The following PTPRN2 variants were observed in gnomAD, a reference collection of about 807,000 sequenced individuals.
The protein encoded by PTPRN2 is protein tyrosine phosphatase receptor type N2.
PTPRN2 carries 74 observed loss-of-function variants against 118.8 expected under a neutral mutation model. That is an observed-to-expected ratio of 0.62 (90% confidence interval 0.52 to 0.76). The LOEUF is 0.76. Ranked by LOEUF, PTPRN2 falls within the 30% of genes least tolerant of loss-of-function variation. The pLI, the probability that PTPRN2 is intolerant of heterozygous loss-of-function variation, is 0.00. For synonymous variants in PTPRN2, 641 were observed against 608.0 expected (o/e 1.05, Z -0.80); for missense variants, 1,481 against 1,394.4 (o/e 1.06, Z -0.99).
intron 3 of PTPRN2, among the ~76,000 whole-genome samples, chr7:158,220,358 T>C (rs1220175748): frequency 6.6e-6 from 1 of 151,944 alleles, no homozygotes; most frequent in African/African-American, 2.4e-5. Flanking sequence ...GGTATCCAAA[T>C]AGGAAAAGAG....
At chr7:157,914,534 T>C (rs953309611) in intron 11 of PTPRN2, among the ~76,000 whole-genome samples, 1 of 152,148 alleles carries the variant, frequency 6.6e-6, no homozygotes, top group Admixed American at 6.5e-5. Flanking sequence ...TGATCCTCGA[T>C]GGTGATAGAG....
At chr7:158,407,135 T>TGGGTCCC (rs1813524952) in intron 2 of PTPRN2, among the ~76,000 whole-genome samples, 1 of 129,224 alleles carries the variant, frequency 7.7e-6, no homozygotes, top group South Asian at 2.6e-4. Context: ...TCCTGGGTCC[T>TGGGTCCC]GCGTCCTGCG....
At chr7:158,447,281 A>G (rs1194072154) in intron 2 of PTPRN2, among the ~76,000 whole-genome samples, 1 of 152,174 alleles carries the variant, frequency 6.6e-6, no homozygotes. Context: ...ATGAATTCCA[A>G]TTTAGGTTTT....
At chr7:158,461,368 C>T (rs1193285251) in intron 2 of PTPRN2, among the ~76,000 whole-genome samples, 4 of 152,060 alleles carry the variant, frequency 2.6e-5, no homozygotes, top group Non-Finnish European at 5.9e-5. Flanking sequence ...TGGTGGCAGG[C>T]GCCTGTAGTC....
chr7:157,779,879 C>A lies in PTPRN2; in HGVS notation c.1789-96942G>T, dbSNP rs753755954. On this transcript the variant is annotated intron_variant, in intron 12 of 22. Transcript: ENST00000389418. The surrounding 1 kb of genome is among the most constrained non-coding windows in gnomAD (Gnocchi z 4.7). ...TGTCCTCCCAAGCAGGGCTGGGACGCCACTGATACCATCGACGTACAACAC... is the reference window on the plus strand; with the variant it reads ...TGTCCTCCCAAGCAGGGCTGGGACGACACTGATACCATCGACGTACAACAC... Among the ~76,000 whole-genome samples the A allele has an allele frequency of 6.6e-5, 10 of 152,064 alleles. No individual in the cohort carries two copies. The highest frequency in any genetic ancestry group is 1.5e-4 in the Non-Finnish European group (10 of 68,018).
chr7:158,097,936 C>T (rs1814775414), intron 10 of PTPRN2, among the ~76,000 whole-genome samples: 1 of 152,218 alleles, frequency 6.6e-6, no homozygotes, highest in East Asian at 1.9e-4. Flanking sequence ...CAATGAGCAG[C>T]TCCCAGAACA....
chr7:157,673,840 G>A (rs934701459), intron 13 of PTPRN2, among the ~76,000 whole-genome samples: 3 of 152,126 alleles, frequency 2.0e-5, no homozygotes, highest in Non-Finnish European at 4.4e-5. Flanking sequence ...GGCACCCAGG[G>A]CTCCCCTAGG....
rs1172047621 is a variant in PTPRN2, at chr7:157,903,902, G to A, written c.1724-5165C>T. Among the ~76,000 whole-genome samples, 5 of 152,160 alleles carry A rather than the reference G, an allele frequency of 3.3e-5. No homozygotes were observed. The highest frequency in any genetic ancestry group is 1.5e-5 in the Non-Finnish European group (1 of 68,018). ...ACAAGCAGCTGTGAGGACCACGTGG[G>A]AGCCTCTGAGCCAGCATGGCCCAGG... On this transcript the variant is annotated intron_variant, in intron 11 of 22. Coordinates refer to ENST00000389418, the MANE Select transcript of PTPRN2 (RefSeq NM_002847.5). This position sits in a 1 kb window ranked among gnomAD's most constrained non-coding sequence, Gnocchi z 4.2.
intron 6 of PTPRN2, among the ~76,000 whole-genome samples, chr7:158,140,698 C>T (rs1298064650): frequency 2.6e-5 from 4 of 152,236 alleles, no homozygotes; most frequent in African/African-American, 9.6e-5. Context: ...CAGGAGGAAG[C>T]GTCGGGTGTG....
chr7:158,230,228 C>T (rs1007077461), intron 3 of PTPRN2, among the ~76,000 whole-genome samples: 1 of 152,180 alleles, frequency 6.6e-6, no homozygotes, highest in Non-Finnish European at 1.5e-5. Context: ...TTCACCACTA[C>T]TAGTCCTGTG....
rs1034032726 is a variant in PTPRN2, at chr7:157,539,206, T to G, written c.*1508A>C. ...TCATTTCGATTAATTAAATTCCAGA[T>G]AGAGAGAAGTAATTTTGGAAAAGAA... On this transcript the variant is annotated 3_prime_UTR_variant, in exon 23 of 23. Transcript: ENST00000389418. 1 of 152,188 alleles carries G rather than the reference T, an allele frequency of 6.6e-6. No individual in the cohort carries two copies. Among genetic ancestry groups the G allele is most frequent in the Non-Finnish European group, 1.5e-5 (1 of 68,036 alleles). The allele number at this position is 152,188 out of a possible 1,614,324, so 9.4% of individuals were successfully genotyped here.
intron 11 of PTPRN2, among the ~76,000 whole-genome samples, chr7:158,049,943 T>C (rs10949694): frequency 0.56 from 85,195 of 151,910 alleles, 24,940 homozygotes; most frequent in African/African-American, 0.68. Context: ...GGTGCTCAGT[T>C]CTTATTTGTT....
chr7:158,373,913 G>A (rs570817794), intron 2 of PTPRN2, among the ~76,000 whole-genome samples: 1 of 152,292 alleles, frequency 6.6e-6, no homozygotes, highest in African/African-American at 2.4e-5. Flanking sequence ...CCAGCATTCT[G>A]TCTCTGCCTA....
chr7:158,562,011 A>G (rs928946602), intron 1 of PTPRN2, among the ~76,000 whole-genome samples: 2 of 152,206 alleles, frequency 1.3e-5, no homozygotes, highest in Admixed American at 6.5e-5. Flanking sequence ...GAAGAGATTC[A>G]CAAAGGGGCC....
rs142500448 is a variant in PTPRN2 at position 157,706,523 on chromosome 7, G to A, written c.1789-23586C>T. Among the ~76,000 whole-genome samples, 554 of 152,070 alleles carry A rather than the reference G, an allele frequency of 3.6e-3. 5 individuals carry two copies. Among genetic ancestry groups the A allele is most frequent in the African/African-American group, 0.013 (522 of 41,484 alleles). ...AGGGACCACATCCCTCTAGAATGCC[G>A]GGAACTGAGCGAATCTGACCCAGGT... On this transcript the variant is annotated intron_variant, in intron 12 of 22. Transcript: ENST00000389418.
At chr7:158,106,291 T>A (rs943899349) in intron 10 of PTPRN2, among the ~76,000 whole-genome samples, 1 of 152,098 alleles carries the variant, frequency 6.6e-6, no homozygotes. Context: ...ATTTTTATCC[T>A]TATTCCTTAC....
At chr7:158,499,884 G>T (rs969063288) in intron 1 of PTPRN2, among the ~76,000 whole-genome samples, 3 of 150,518 alleles carry the variant, frequency 2.0e-5, no homozygotes, top group African/African-American at 4.9e-5. Flanking sequence ...AATTATGTGG[G>T]GAAAATCATA....
At chr7:157,634,205 G>A (rs1252931094) in intron 14 of PTPRN2, among the ~76,000 whole-genome samples, 1 of 152,124 alleles carries the variant, frequency 6.6e-6, no homozygotes, top group Non-Finnish European at 1.5e-5. Flanking sequence ...ACCCCTCACA[G>A]AACCACAGCA....
rs1818836393 is a variant in PTPRN2 at position 158,136,553 on chromosome 7, G to GA, written c.1173+101_1173+102insT. ...TGAGGGGTTTCTCCATAATTTTCTG[G>GA]GAAAAAAACTTTTGTATTTCATAAA... On this transcript the variant is annotated intron_variant, in intron 8 of 22. Transcript: ENST00000389418. 7.1e-6 allele frequency: 8 copies of GA among 1,131,432 alleles called. No individual in the cohort carries two copies. The African/African-American group carries it at 8.6e-5, about 12-fold the overall frequency. 70.1% of individuals were successfully genotyped at this position (1,131,432 alleles called of 1,614,324 possible).
Sources: gnomAD v4.1 joint callset for allele counts (sites outside exome capture counted in the v4.1 genomes callset) on GRCh38, gnomAD v4.1.1 for gene constraint, Gnocchi (gnomAD v3.1) non-coding constraint, MANE v1.5 for transcripts, NCBI Gene and HGNC (gene_info 2026-07-23, HGNC 2026-07-21) for gene names.